Variants in IBTK observed in about 807,000 individuals in gnomAD.
IBTK encodes the protein inhibitor of Bruton tyrosine kinase, also known as BTK-binding protein.
A neutral mutation model predicts 154.9 loss-of-function variants in IBTK; 83 were observed. The observed-to-expected ratio is 0.54, with a 90% CI of 0.45 to 0.64. IBTK has a LOEUF of 0.64. Among genes scored for constraint, IBTK ranks in the 30% least tolerant of loss-of-function variants. The pLI is 0.00. For missense variants in IBTK, 1,332 were observed against 1,584.6 expected (o/e 0.84, Z 2.71); for synonymous variants, 515 against 536.1 (o/e 0.96, Z 0.54).
intron 2 of IBTK, among the ~76,000 whole-genome samples, chr6:82,237,470 A>G (rs768193468): frequency 6.6e-5 from 10 of 152,126 alleles, no homozygotes; most frequent in Non-Finnish European, 1.5e-4. Context: ...GGAAAGTGCT[A>G]TTATTACTCT....
chr6:82,174,970 C>T (rs1239635283), intron 26 of IBTK: 1 of 455,932 alleles, frequency 2.2e-6, no homozygotes, highest in African/African-American at 2.0e-5. Flanking sequence ...TTACAGTTGG[C>T]TCAAATGTCA....
At chr6:82,210,650 C>A (rs1769600457) in intron 16 of IBTK, among the ~76,000 whole-genome samples, 164 bp downstream of exon 16, 1 of 151,630 alleles carries the variant, frequency 6.6e-6, no homozygotes, top group Non-Finnish European at 1.5e-5. Context: ...CATAGTAAGA[C>A]CCCGGTCTCC....
Position 82,214,925 on chromosome 6 carries a change from A to C in IBTK, c.1602-96T>G, listed in dbSNP as rs1384730234. On this transcript the variant is annotated intron_variant, in intron 11 of 28. Transcript: ENST00000306270. ...TCTCCTTTAAAATGCAATTTTTTTA[A>C]CAATATTTAGAAAATTTTAAATTTG... is the stretch of plus-strand genomic sequence containing the variant. 4 of 1,334,496 alleles carry C rather than the reference A, an allele frequency of 3.0e-6. No homozygotes were observed. In the African/African-American group the frequency reaches 4.4e-5, roughly 15 times the overall value. 82.7% of individuals were successfully genotyped at this position (1,334,496 alleles called of 1,614,324 possible).
intron 10 of IBTK, among the ~76,000 whole-genome samples, chr6:82,216,487 T>C (rs1445682748): frequency 6.6e-6 from 1 of 152,208 alleles, no homozygotes; most frequent in East Asian, 1.9e-4. Flanking sequence ...TCCATCTCTT[T>C]CAACAAACAC....
At chr6:82,211,330 T>C (rs1455092697) in intron 15 of IBTK, 37 bp downstream of exon 15, 19 of 1,528,056 alleles carry the variant, frequency 1.2e-5, no homozygotes, top group Admixed American at 1.0e-4. Flanking sequence ...TAAAGAAACA[T>C]AGTTACCAAC....
chr6:82,196,421 A>G lies in IBTK; in HGVS notation c.3051T>C (p.Asn1017=). 1 of 1,610,468 alleles carries G rather than the reference A, an allele frequency of 6.2e-7. No individual in the cohort carries two copies. The highest frequency in any genetic ancestry group is 8.5e-7 in the Non-Finnish European group (1 of 1,178,368). The change falls in exon 22 of 29, where the codon AAT becomes AAC. Residue 1017 remains asparagine (N), a synonymous_variant. Transcript: ENST00000306270. The part of the protein sequence containing the change: ...STGLLKSGKT[N]SVESLPELLT... ...ACAGTTCTGGAAGAGATTCCACAGA[A>G]TTGGTCTTACCAGACTTTAATAATC...
rs780158917 is a variant in IBTK at position 82,217,951 on chromosome 6, T to C, written c.1426+9A>G. The C allele has an allele frequency of 3.2e-6, 5 of 1,572,268 alleles. No homozygotes were observed. The highest frequency in any genetic ancestry group is 2.4e-5 in the South Asian group (2 of 84,174). ...GTACTTTTACGTATTGTTCAATATA[T>C]GAACTGACCTTTCTTTTCAGAACTC... On this transcript the variant is annotated intron_variant, in intron 10 of 28. Transcript: ENST00000306270.
chr6:82,220,986 T>C (rs970482181), intron 8 of IBTK, among the ~76,000 whole-genome samples: 9 of 91,346 alleles, frequency 9.9e-5, no homozygotes, highest in Admixed American at 7.0e-4. Flanking sequence ...ACACATTAAA[T>C]GCCTGAAGTT....
At chr6:82,200,036 G>T in intron 21 of IBTK, 105 bp downstream of exon 21, 1 of 717,104 alleles carries the variant, frequency 1.4e-6, no homozygotes, top group Non-Finnish European at 2.4e-6. Context: ...TATCACTTTT[G>T]GTACCTCCAT....
intron 3 of IBTK, among the ~76,000 whole-genome samples, chr6:82,233,245 T>A (rs1302432540): frequency 6.6e-6 from 1 of 151,970 alleles, no homozygotes; most frequent in Non-Finnish European, 1.5e-5. Flanking sequence ...GAGGATGGCT[T>A]AAGCTCAGAA....
At chr6:82,188,150 C>T (rs957137175) in intron 25 of IBTK, among the ~76,000 whole-genome samples, 2 of 152,144 alleles carry the variant, frequency 1.3e-5, no homozygotes, top group African/African-American at 4.8e-5. Context: ...TATAGTCACA[C>T]CTATCAGTCT....
At chr6:82,246,311 A>T (rs181037074) in intron 1 of IBTK, among the ~76,000 whole-genome samples, 3 of 151,684 alleles carry the variant, frequency 2.0e-5, no homozygotes, top group Admixed American at 6.6e-5. Flanking sequence ...GATTACAGGC[A>T]CACATCACCA....
intron 24 of IBTK, 26 bp from the exon 25 acceptor site, chr6:82,191,242 G>A (rs1464716732): frequency 6.3e-7 from 1 of 1,578,660 alleles, no homozygotes; most frequent in Non-Finnish European, 8.6e-7. Context: ...ATTAGTTTCA[G>A]TGGTTTCTTC....
chr6:82,245,392 T>A (rs1485389648), intron 1 of IBTK, among the ~76,000 whole-genome samples: 6 of 151,684 alleles, frequency 4.0e-5, no homozygotes, highest in African/African-American at 1.5e-4. Context: ...AAGCCATCGC[T>A]ACAAAAAAAA....
rs539989777 is a variant in IBTK at position 82,229,765 on chromosome 6, C to T, written c.543+1953G>A. ...ACAAGTCCTTTCATTATCCTAAGTT[C>T]CCTCCACATCTACAGAGAAGACCCA... On this transcript the variant is annotated intron_variant, in intron 4 of 28. Transcript: ENST00000306270. 2.6e-4 allele frequency among the ~76,000 whole-genome samples: 39 copies of T among 152,242 alleles called. 1 individual carries two copies. The South Asian group carries it at 7.9e-3, about 31-fold the overall frequency.
chr6:82,232,990 T>G (rs1168894496), intron 3 of IBTK, among the ~76,000 whole-genome samples: 1 of 151,812 alleles, frequency 6.6e-6, no homozygotes, highest in African/African-American at 2.4e-5. Context: ...GCATCTCTAC[T>G]AAAAATACAA....
intron 8 of IBTK, among the ~76,000 whole-genome samples, chr6:82,220,937 TACACACACAC>T (rs57358110): frequency 3.5e-4 from 45 of 130,160 alleles, no homozygotes; most frequent in East Asian, 1.5e-3. Context: ...TGACTTTACC[TACACACACAC>T]ACACACACAC....
At chr6:82,179,593 C>A (rs1444518915) in intron 26 of IBTK, among the ~76,000 whole-genome samples, 2 of 152,118 alleles carry the variant, frequency 1.3e-5, no homozygotes, top group African/African-American at 4.8e-5. Context: ...TGATGAGTCA[C>A]ATAAAAAGTG....
chr6:82,210,755 A>T, intron 16 of IBTK, 59 bp downstream of exon 16: 1 of 670,058 alleles, frequency 1.5e-6, no homozygotes, highest in Non-Finnish European at 2.4e-6. Context: ...ATTCACGTTG[A>T]TTTTACCATT....
Sources: allele counts gnomAD v4.1 joint callset (sites outside exome capture counted in the v4.1 genomes callset), GRCh38; gene constraint gnomAD v4.1.1; transcripts MANE v1.5; gene names NCBI Gene and HGNC (gene_info 2026-07-23, HGNC 2026-07-21).